EFCAB14: variants seen among roughly 807,000 people sequenced by gnomAD.
EFCAB14 encodes the protein EF-hand calcium-binding domain-containing protein 14.
A neutral mutation model predicts 56.5 loss-of-function variants in EFCAB14; 43 were observed. That is an observed-to-expected ratio of 0.76 (90% CI 0.60 to 0.98). The LOEUF (loss-of-function observed/expected upper bound fraction) is 0.98. Among genes scored for constraint, EFCAB14 ranks in the 50% least tolerant of loss-of-function variants. The probability of loss-of-function intolerance (pLI) is 0.00; values close to 1 mark genes in which losing one functional copy is unlikely to be tolerated. For synonymous variants in EFCAB14, 235 were observed against 212.9 expected, an observed-to-expected ratio of 1.10 and a Z score of -0.90; for missense variants, 538 against 580.3, an observed-to-expected ratio of 0.93 and a Z score of 0.75.
At chr1:46,693,412 T>C (rs78266057) in intron 4 of EFCAB14, among the ~76,000 whole-genome samples, 11,492 of 152,284 alleles carry the variant, frequency 0.075, 559 homozygotes, top group Non-Finnish European at 0.11. Context: ...GTTAGGTATT[T>C]GGCATGACCT....
intron 7 of EFCAB14, among the ~76,000 whole-genome samples, chr1:46,687,856 TG>T (rs1409348350): frequency 6.6e-6 from 1 of 152,196 alleles, no homozygotes; most frequent in Non-Finnish European, 1.5e-5. Context: ...TGATCTGACC[TG>T]ATCTGTTTCC....
At chr1:46,703,580 T>G (rs1384691156) in intron 3 of EFCAB14, among the ~76,000 whole-genome samples, 1 of 152,160 alleles carries the variant, frequency 6.6e-6, no homozygotes, top group Admixed American at 6.5e-5. Context: ...ATTTTTTCCA[T>G]AGGGAACATC....
intron 10 of EFCAB14, 150 bp from the exon 11 acceptor site, chr1:46,678,786 A>G (rs1676738527): frequency 1.7e-6 from 1 of 578,686 alleles, no homozygotes; most frequent in African/African-American, 1.9e-5. Flanking sequence ...TCACTAAATC[A>G]GGAAGACTAA....
rs902886602 is a variant in EFCAB14, at chr1:46,676,039, A to G, written c.*2422T>C. On this transcript the variant is annotated 3_prime_UTR_variant, in exon 11 of 11. Transcript: ENST00000371933. ...GCTTGACTACAGCTAAATACAAGTCACAGGCTTAGTAAGTTAAGACAACAT... is the reference window on the plus strand; with the variant it reads ...GCTTGACTACAGCTAAATACAAGTCGCAGGCTTAGTAAGTTAAGACAACAT... The G allele has an allele frequency of 3.2e-4, 49 of 152,362 alleles. No individual in the cohort carries two copies. The highest frequency in any genetic ancestry group is 9.9e-4 in the African/African-American group (41 of 41,594). The allele number at this position is 152,362 out of a possible 1,614,324, so 9.4% of individuals were successfully genotyped here. A position where few individuals can be genotyped will look rare whatever the true frequency, so the allele number is the denominator to read the frequency against.
At chr1:46,686,614 C>T (rs1676886246) in intron 8 of EFCAB14, 170 bp downstream of exon 8, 4 of 703,598 alleles carry the variant, frequency 5.7e-6, no homozygotes, top group Non-Finnish European at 9.6e-6. Flanking sequence ...GGGTAGGTGC[C>T]TAAAAAAGTA....
At chr1:46,713,904 T>C (rs1438054913) in intron 2 of EFCAB14, among the ~76,000 whole-genome samples, 2 of 152,140 alleles carry the variant, frequency 1.3e-5, no homozygotes, top group Non-Finnish European at 2.9e-5. Flanking sequence ...CACTGTACAA[T>C]ACTGCAAGGA....
chr1:46,697,196 G>T (rs1388898946), intron 3 of EFCAB14, among the ~76,000 whole-genome samples: 1 of 152,212 alleles, frequency 6.6e-6, no homozygotes, highest in African/African-American at 2.4e-5. Flanking sequence ...GTTTAAAAAT[G>T]TGACTAATAT....
chr1:46,707,905 C>G lies in EFCAB14; in HGVS notation c.480+1G>C. ...CACAGCAAAAATCAAACTTTTAGTA[C>G]CTGCTTATTCATTTCTGTGATGTTT... On this transcript the variant is annotated splice_donor_variant, in intron 3 of 10. Coordinates refer to ENST00000371933, the MANE Select transcript of EFCAB14 (RefSeq NM_014774.3). LOFTEE classifies it high-confidence loss of function. 6.2e-7 allele frequency: 1 copy of G among 1,607,234 alleles called. No homozygotes were observed. Among genetic ancestry groups the G allele is most frequent in the East Asian group, 2.2e-5 (1 of 44,682 alleles).
chr1:46,696,367 C>T (rs1451629177), intron 4 of EFCAB14, among the ~76,000 whole-genome samples, 184 bp downstream of exon 4: 8 of 152,258 alleles, frequency 5.3e-5, no homozygotes, highest in African/African-American at 1.9e-4. Context: ...ACTAACCAGA[C>T]CAAAACAAAA....
Position 46,708,017 on chromosome 1 carries a change from G to A in EFCAB14, c.369C>T (p.Ile123=), listed in dbSNP as rs570335052. 7 of 1,612,352 alleles carry A rather than the reference G, an allele frequency of 4.3e-6. No individual in the cohort carries two copies. In the African/African-American group the frequency reaches 9.3e-5, roughly 22 times the overall value. ...ESNQKSSFQE[I]PKLNEELLSK... The stretch of plus-strand genomic sequence containing the variant: ...TGAGTAGTTCTTCATTAAGTTTGGG[G>A]ATTTCTTGGAATGAGCTTTTCTGAT... The change falls in exon 3 of 11, where the codon ATC becomes ATT. Residue 123 remains isoleucine, a synonymous_variant. Coordinates refer to ENST00000371933, the MANE Select transcript of EFCAB14 (RefSeq NM_014774.3).
rs1677256790 is a variant in EFCAB14, at chr1:46,707,954, C to A, written c.432G>T (p.Glu144Asp). Residue 144 changes from glutamate (E) to aspartate (D), a missense_variant, in exon 3 of 11, where the codon GAG becomes GAT. Glu to Asp is a conservative substitution (Grantham distance 45). Coordinates refer to ENST00000371933, the MANE Select transcript of EFCAB14 (RefSeq NM_014774.3). ...TTATCCAGACTTTGTTCAAACCCAT[C>A]TCTCCAGATTCAATCTTCTCAAGTT... ...QKQLEKIESG[E>D]MGLNKVWINI... is the part of the protein sequence containing the mutation. 1.9e-6 allele frequency: 3 copies of A among 1,612,308 alleles called. No individual in the cohort carries two copies. The highest frequency in any genetic ancestry group is 2.5e-6 in the Non-Finnish European group (3 of 1,179,732).
chr1:46,701,839 G>A lies in EFCAB14; in HGVS notation c.481-5190C>T, dbSNP rs568971233. 3.3e-5 allele frequency among the ~76,000 whole-genome samples: 5 copies of A among 152,270 alleles called. No individual in the cohort carries two copies. The South Asian group carries it at 1.0e-3, about 32-fold the overall frequency. ...ACCTGGATCACCCACTGTTCCCTAG[G>A]ACTTGGCTATTTAACCCATAAATTA... On this transcript the variant is annotated intron_variant, in intron 3 of 10. Transcript: ENST00000371933.
rs367996064 is a variant in EFCAB14 at position 46,684,471 on chromosome 1, G to C, written c.1186+20C>G. On this transcript the variant is annotated intron_variant, in intron 9 of 10. Transcript: ENST00000371933. ...TGCTCAAGCCTCCATGAAATATTAAGAAGCCGGCTCTGCTCTCACCTTCAT... is the reference window on the plus strand; with the variant it reads ...TGCTCAAGCCTCCATGAAATATTAACAAGCCGGCTCTGCTCTCACCTTCAT... 1 of 1,603,432 alleles carries C rather than the reference G, an allele frequency of 6.2e-7. No homozygotes were observed. Among genetic ancestry groups the C allele is most frequent in the Non-Finnish European group, 8.5e-7 (1 of 1,170,984 alleles).
At chr1:46,702,955 T>C (rs1007505325) in intron 3 of EFCAB14, among the ~76,000 whole-genome samples, 6 of 152,190 alleles carry the variant, frequency 3.9e-5, no homozygotes, top group Non-Finnish European at 8.8e-5. Context: ...GAACACACCA[T>C]GTTTTCATTC....
In EFCAB14 at chr1:46,718,213, A is replaced by G; in HGVS notation, c.-126T>C. 1.0e-6 allele frequency: 1 copy of G among 975,356 alleles called. No homozygotes were observed. The highest frequency in any genetic ancestry group is 1.5e-6 in the Non-Finnish European group (1 of 663,826). 60.4% of individuals were successfully genotyped at this position (975,356 alleles called of 1,614,324 possible). ...AATCCTGGGCCAGAGCCCCCTGGTC[A>G]CTCCCACCTAGGGGTGGGACTGACC... is the stretch of plus-strand genomic sequence containing the variant. On this transcript the variant is annotated 5_prime_UTR_variant, in exon 1 of 11. Transcript: ENST00000371933.
chr1:46,701,209 T>C (rs539800740), intron 3 of EFCAB14, among the ~76,000 whole-genome samples: 1 of 152,336 alleles, frequency 6.6e-6, no homozygotes, highest in Non-Finnish European at 1.5e-5. Flanking sequence ...TGATGGGTTT[T>C]CTTGGCTGAC....
chr1:46,684,499 G>C lies in EFCAB14; in HGVS notation c.1178C>G (p.Ala393Gly), dbSNP rs1676846865. The change falls in exon 9 of 11, where the codon GCC (alanine) becomes GGC (glycine). Residue 393 changes from alanine to glycine, a missense_variant. Physicochemically the swap from Ala to Gly is moderately conservative, Grantham distance 60 (BLOSUM62 0). Transcript: ENST00000371933. ...GCCGGCTCTGCTCTCACCTTCATCG[G>C]CGGTCTCTGGAGGCCTGTTGCTCTC... Reference protein sequence around the residue: ...KPESNRPPETADEEQVESFTS... With the variant: ...KPESNRPPETGDEEQVESFTS... 3 of 1,613,658 alleles carry C rather than the reference G, an allele frequency of 1.9e-6. No homozygotes were observed. The African/African-American group carries it at 4.0e-5, about 22-fold the overall frequency.
intron 3 of EFCAB14, among the ~76,000 whole-genome samples, chr1:46,699,274 A>G (rs1677119731): frequency 6.6e-6 from 1 of 152,230 alleles, no homozygotes; most frequent in Non-Finnish European, 1.5e-5. Flanking sequence ...CATAAAAACC[A>G]AGCAGGCATT....
At chr1:46,689,342 A>C (rs1170101180) in intron 6 of EFCAB14, among the ~76,000 whole-genome samples, 1 of 152,156 alleles carries the variant, frequency 6.6e-6, no homozygotes, top group Non-Finnish European at 1.5e-5. Flanking sequence ...TATGTCTTTC[A>C]AGATAAGAAA....
Sources: gnomAD v4.1 joint callset for allele counts (sites outside exome capture counted in the v4.1 genomes callset) on GRCh38, gnomAD v4.1.1 for gene constraint, MANE v1.5 for transcripts, NCBI Gene and HGNC (gene_info 2026-07-23, HGNC 2026-07-21) for gene names.